The following HMCN1 variants were observed in gnomAD, a reference collection of about 807,000 sequenced individuals.
HMCN1 encodes hemicentin 1, also known as hemicentin-1.
Under a neutral mutation model 625.9 loss-of-function variants are expected in HMCN1, and 321 were observed. The ratio of observed to expected loss-of-function variants is 0.51; its 90% CI spans 0.47 to 0.56. The LOEUF (loss-of-function observed/expected upper bound fraction) is 0.56. HMCN1 is among the 20% of genes least tolerant of loss of function. HMCN1 has a pLI of 0.00. For missense variants in HMCN1, 6,588 were observed against 6,887.3 expected (o/e 0.96, Z 1.54); for synonymous variants, 2,425 against 2,417.6 (o/e 1.00, Z -0.09).
At chr1:186,141,236 A>G (rs1649936331) in intron 89 of HMCN1, among the ~76,000 whole-genome samples, 1 of 152,180 alleles carries the variant, frequency 6.6e-6, no homozygotes. Context: ...CTGTAAATAC[A>G]GATGAAGCTT....
At chr1:185,938,264 G>A (rs573886000) in intron 11 of HMCN1, among the ~76,000 whole-genome samples, 6 of 152,178 alleles carry the variant, frequency 3.9e-5, no homozygotes, top group African/African-American at 1.4e-4. Context: ...GATTAACCAA[G>A]GTAAATGAAG....
intron 91 of HMCN1, 133 bp downstream of exon 91, chr1:186,144,836 T>G: frequency 9.4e-7 from 1 of 1,061,552 alleles, no homozygotes; most frequent in Admixed American, 2.0e-5. Flanking sequence ...GTTGTAAGGT[T>G]GCTGTCATGT....
intron 1 of HMCN1, among the ~76,000 whole-genome samples, chr1:185,752,055 G>A (rs1654848442): frequency 6.6e-6 from 1 of 152,018 alleles, no homozygotes; most frequent in Admixed American, 6.6e-5. Flanking sequence ...TATACTACCG[G>A]TCTTTCTACA....
chr1:185,952,747 A>T (rs1200711187), intron 11 of HMCN1, among the ~76,000 whole-genome samples: 1 of 151,670 alleles, frequency 6.6e-6, no homozygotes, highest in African/African-American at 2.4e-5. Flanking sequence ...GCTAAGGTAG[A>T]AGAAGGAGGA....
chr1:185,745,778 G>C (rs1654350233), intron 1 of HMCN1, among the ~76,000 whole-genome samples: 1 of 152,202 alleles, frequency 6.6e-6, no homozygotes, highest in Non-Finnish European at 1.5e-5. Flanking sequence ...GTCAGTGTTA[G>C]TATGACTAGT....
chr1:185,794,738 C>T (rs989707651), intron 1 of HMCN1, among the ~76,000 whole-genome samples: 2 of 151,400 alleles, frequency 1.3e-5, no homozygotes, highest in Non-Finnish European at 2.9e-5. Flanking sequence ...TTTGGTAACA[C>T]CCTCACAGAC....
intron 40 of HMCN1, among the ~76,000 whole-genome samples, chr1:186,044,892 G>A (rs1012279615): frequency 2.6e-5 from 4 of 152,036 alleles, no homozygotes; most frequent in Admixed American, 2.0e-4. Flanking sequence ...ATAAATGATT[G>A]TTTACTCTAT....
At chr1:186,087,176 C>T (rs1277697301) in intron 58 of HMCN1, 41 bp from the exon 59 acceptor site, 1 of 1,245,730 alleles carries the variant, frequency 8.0e-7, no homozygotes, top group Non-Finnish European at 1.2e-6. Context: ...GTTAGAACAA[C>T]CTGTATACCA....
rs1209137282 is a variant in HMCN1, at chr1:186,088,311, T to TG, written c.9577+35_9577+36insG. The TG allele has an allele frequency of 5.0e-6, 8 of 1,611,248 alleles. No homozygotes were observed. In the East Asian group the frequency reaches 1.8e-4, roughly 36 times the overall value. On this transcript the variant is annotated intron_variant, in intron 62 of 106. Coordinates refer to ENST00000271588, the MANE Select transcript of HMCN1 (RefSeq NM_031935.3). ...CCATGCATTTTTGTGTGTGTGTGTG[T>TG]TTTTTTCTCTTGCTCTTAATTCACT...
intron 89 of HMCN1, among the ~76,000 whole-genome samples, chr1:186,138,589 T>C (rs931151820): frequency 2.6e-5 from 4 of 152,212 alleles, no homozygotes; most frequent in Non-Finnish European, 5.9e-5. Context: ...TACTTTCCTC[T>C]CTTTGGCTTT....
At chr1:185,910,073 A>C (rs1323075184) in intron 5 of HMCN1, among the ~76,000 whole-genome samples, 1 of 152,162 alleles carries the variant, frequency 6.6e-6, no homozygotes, top group Non-Finnish European at 1.5e-5. Flanking sequence ...AATAAGATTT[A>C]CATCAAATAA....
At chr1:186,175,895 AG>A (rs1167480933) in intron 103 of HMCN1, among the ~76,000 whole-genome samples, 15 of 147,898 alleles carry the variant, frequency 1.0e-4, no homozygotes, top group Middle Eastern at 3.4e-3. Flanking sequence ...AAAAAAAGAA[AG>A]AAAAGAAAAG....
rs143629026 is a variant in HMCN1, at chr1:186,095,480, A to G, written c.10532A>G (p.Glu3511Gly). The G allele has an allele frequency of 1.4e-4, 219 of 1,613,648 alleles. No homozygotes were observed. In the African/African-American group the frequency reaches 2.4e-3, roughly 18 times the overall value. ...AAGTACACCTGCATTGCCTCAAATG[A>G]AGCTGGAGAAGTCAGCAAGCACTTT... ...SGKYTCIASN[E>G]AGEVSKHFIL... The change falls in exon 68 of 107, where the codon GAA (glutamate) becomes GGA (glycine). Residue 3511 changes from glutamate (E) to glycine (G), a missense_variant. This residue lies in a region of HMCN1 where 4,628 missense variants were observed against 4,853.1 expected (regional missense o/e 0.95). Transcript: ENST00000271588.
At position 185,981,064 on chromosome 1, in the gene HMCN1, A is replaced by T; in HGVS notation, c.2653A>T (p.Thr885Ser). 1.3e-6 allele frequency: 2 copies of T among 1,598,294 alleles called. No homozygotes were observed. Among genetic ancestry groups the T allele is most frequent in the Non-Finnish European group, 1.7e-6 (2 of 1,165,726 alleles). ...KIQSETTVTVTGLVAPLIGIS... is the reference protein window; with the variant it reads ...KIQSETTVTVSGLVAPLIGIS... ...CCAGTCAGAGACAACAGTAACAGTG[A>T]CCGGACTTGGTAAGATCAATTGAAT... Residue 885 changes from threonine to serine, a missense_variant, in exon 17 of 107, where the codon ACC becomes TCC. Thr to Ser is a moderately conservative substitution (Grantham distance 58). This residue lies in a region of HMCN1 where 4,628 missense variants were observed against 4,853.1 expected (regional missense o/e 0.95). Transcript: ENST00000271588.
At chr1:185,865,626 C>T (rs903679782) in intron 3 of HMCN1, 115 bp from the exon 4 acceptor site, 4 of 729,198 alleles carry the variant, frequency 5.5e-6, no homozygotes, top group African/African-American at 3.9e-5. Flanking sequence ...CACACACACA[C>T]ACACATTCAC....
chr1:185,977,522 G>A (rs1021226962), intron 15 of HMCN1, among the ~76,000 whole-genome samples: 3 of 152,020 alleles, frequency 2.0e-5, no homozygotes, highest in African/African-American at 7.2e-5. Flanking sequence ...TTTATTTAAG[G>A]TTATTATAAT....
rs75488971 is a variant in HMCN1 at position 186,165,273 on chromosome 1, T to G, written c.15319+100T>G. On this transcript the variant is annotated intron_variant, in intron 98 of 106. Transcript: ENST00000271588. ...TTGCCCTTTCACTAGGTATTTAATC[T>G]TCACAACAGTTCTGTAAACATCCCA... The G allele has an allele frequency of 4.4e-3, 4,480 of 1,009,166 alleles. 80 individuals are homozygous for G. The African/African-American group carries it at 0.045, about 10-fold the overall frequency. The allele number at this position is 1,009,166 out of a possible 1,614,324, so 62.5% of individuals were successfully genotyped here.
intron 70 of HMCN1, among the ~76,000 whole-genome samples, chr1:186,107,792 A>G (rs1660681452): frequency 6.6e-6 from 1 of 151,806 alleles, no homozygotes; most frequent in South Asian, 2.1e-4. Flanking sequence ...AAACACACTC[A>G]CTCTTCTAAG....
intron 105 of HMCN1, among the ~76,000 whole-genome samples, chr1:186,187,129 T>G (rs1410089654): frequency 6.6e-6 from 1 of 152,006 alleles, no homozygotes; most frequent in Non-Finnish European, 1.5e-5. Flanking sequence ...AGGAAGCACT[T>G]AAGTGTGTTT....
Sources: gnomAD v4.1 joint callset for allele counts (sites outside exome capture counted in the v4.1 genomes callset) on GRCh38, gnomAD v4.1.1 for gene constraint, gnomAD v4.1.1 regional missense constraint, MANE v1.5 for transcripts, NCBI Gene and HGNC (gene_info 2026-07-23, HGNC 2026-07-21) for gene names.